The following GALNT13 variants were observed in gnomAD, a reference collection of about 807,000 sequenced individuals.
GALNT13 encodes UDP-GalNAc:polypeptide N-acetylgalactosaminyltransferase 13.
In GALNT13, 28 loss-of-function variants were observed where a neutral mutation model predicts 64.2. That is an observed-to-expected ratio of 0.44 (90% CI 0.32 to 0.60). The LOEUF is 0.60. GALNT13 is among the 20% of genes least tolerant of loss of function. GALNT13 has a pLI of 0.05. For synonymous variants in GALNT13, 214 were observed against 224.6 expected (o/e 0.95, Z 0.42); for missense variants, 577 against 669.8 (o/e 0.86, Z 1.53).
intron 12 of GALNT13, among the ~76,000 whole-genome samples, chr2:154,447,876 G>T (rs1162926052): frequency 1.3e-5 from 2 of 151,986 alleles, no homozygotes; most frequent in African/African-American, 2.4e-5. Context: ...CCTGATACGT[G>T]CAGTGCCAAA....
chr2:153,947,687 T>G (rs954380844), intron 3 of GALNT13, among the ~76,000 whole-genome samples: 1 of 152,136 alleles, frequency 6.6e-6, no homozygotes, highest in African/African-American at 2.4e-5. Context: ...TTTGTTTAAT[T>G]AGATCCCATT....
the GALNT13 span, among the ~76,000 whole-genome samples, chr2:153,427,190 G>A: frequency 1.1e-3 from 162 of 152,112 alleles, no homozygotes; most frequent in South Asian, 3.7e-3. Flanking sequence ...AATGACTCTC[G>A]TGTTGCTATC....
At chr2:153,837,626 A>G in the GALNT13 span, among the ~76,000 whole-genome samples, 12 of 152,120 alleles carry the variant, frequency 7.9e-5, no homozygotes, top group East Asian at 3.9e-4. Context: ...CTATGTAACT[A>G]TATCTATAGA....
At chr2:153,497,133 C>A in the GALNT13 span, among the ~76,000 whole-genome samples, 1 of 152,060 alleles carries the variant, frequency 6.6e-6, no homozygotes, top group African/African-American at 2.4e-5. Flanking sequence ...TTAAAACATG[C>A]CTGTTGGCTT....
the GALNT13 span, among the ~76,000 whole-genome samples, chr2:153,397,889 T>C: frequency 5.3e-5 from 8 of 152,118 alleles, no homozygotes; most frequent in African/African-American, 1.9e-4. Context: ...CCTGAAAACT[T>C]GCTGAATACA....
the GALNT13 span, among the ~76,000 whole-genome samples, chr2:153,188,888 C>T: frequency 6.6e-6 from 1 of 152,010 alleles, no homozygotes; most frequent in Non-Finnish European, 1.5e-5. Flanking sequence ...TACTTTGTTA[C>T]ATGCATAGAA....
At chr2:154,175,665 C>CA (rs754527838) in intron 4 of GALNT13, among the ~76,000 whole-genome samples, 17 of 151,712 alleles carry the variant, frequency 1.1e-4, no homozygotes, top group Admixed American at 2.0e-4. Flanking sequence ...TACAAAATAC[C>CA]AAAAAATATA....
chr2:153,332,045 C>T, the GALNT13 span, among the ~76,000 whole-genome samples: 1 of 152,000 alleles, frequency 6.6e-6, no homozygotes, highest in Non-Finnish European at 1.5e-5. Context: ...TGTGCCATTA[C>T]TGCTTGTGTT....
chr2:153,160,182 G>A, the GALNT13 span, among the ~76,000 whole-genome samples: 1 of 152,204 alleles, frequency 6.6e-6, no homozygotes, highest in Non-Finnish European at 1.5e-5. Flanking sequence ...ATTTGGGCCA[G>A]ATTTACAGAT....
the GALNT13 span, among the ~76,000 whole-genome samples, chr2:153,760,994 T>G: frequency 6.6e-6 from 1 of 152,114 alleles, no homozygotes; most frequent in Non-Finnish European, 1.5e-5. Flanking sequence ...TTCTTTATCT[T>G]TTTTTACTGT....
chr2:153,796,323 G>A, the GALNT13 span, among the ~76,000 whole-genome samples: 11 of 152,180 alleles, frequency 7.2e-5, no homozygotes, highest in African/African-American at 2.7e-4. Context: ...CTAATGCAAT[G>A]TGTGCCACAC....
At chr2:153,478,500 C>T in the GALNT13 span, 1 of 1,610,440 alleles carries the variant, frequency 6.2e-7, no homozygotes. Context: ...CTCGCTCCAG[C>T]GCCTCGCTGC....
intron 4 of GALNT13, among the ~76,000 whole-genome samples, chr2:154,205,714 G>A (rs1020887684): frequency 2.6e-5 from 4 of 151,996 alleles, no homozygotes; most frequent in African/African-American, 7.3e-5. Context: ...GCTCTTTCAG[G>A]GGAACTCCCA....
the GALNT13 span, among the ~76,000 whole-genome samples, chr2:153,720,908 C>T: frequency 3.4e-5 from 5 of 147,524 alleles, no homozygotes; most frequent in African/African-American, 9.8e-5. Flanking sequence ...TCCAGGAGAA[C>T]TTCCCCAATC....
intron 3 of GALNT13, among the ~76,000 whole-genome samples, chr2:154,056,177 G>C (rs1335829029): frequency 6.6e-6 from 1 of 151,970 alleles, no homozygotes; most frequent in East Asian, 1.9e-4. Context: ...ATTTTTTTCT[G>C]GGTAAAAGAT....
chr2:153,794,320 G>A, the GALNT13 span, among the ~76,000 whole-genome samples: 1 of 152,094 alleles, frequency 6.6e-6, no homozygotes, highest in Non-Finnish European at 1.5e-5. Context: ...TTTTACTGGT[G>A]TTTCCCTTAA....
chr2:153,985,266 C>G (rs1010382754), intron 3 of GALNT13, among the ~76,000 whole-genome samples: 4 of 151,942 alleles, frequency 2.6e-5, no homozygotes, highest in African/African-American at 9.7e-5. Flanking sequence ...ACCCTTACAT[C>G]CTACTTAACT....
chr2:153,976,843 T>C (rs1694107513), intron 3 of GALNT13, among the ~76,000 whole-genome samples: 2 of 152,060 alleles, frequency 1.3e-5, no homozygotes, highest in African/African-American at 4.8e-5. Flanking sequence ...AAAATTAATA[T>C]GGAAACATGA....
chr2:153,298,133 G>T, the GALNT13 span, among the ~76,000 whole-genome samples: 2 of 152,098 alleles, frequency 1.3e-5, no homozygotes, highest in Admixed American at 6.5e-5. Flanking sequence ...TGCTTCTGTT[G>T]TTATTCTGGT....
Sources: gnomAD v4.1 joint callset for allele counts (sites outside exome capture counted in the v4.1 genomes callset) on GRCh38, gnomAD v4.1.1 for gene constraint, MANE v1.5 for transcripts, NCBI Gene and HGNC (gene_info 2026-07-23, HGNC 2026-07-21) for gene names.